MYO1E: variants seen among roughly 807,000 people sequenced by gnomAD.
MYO1E encodes unconventional myosin-Ie.
Under a neutral mutation model 151.1 loss-of-function variants are expected in MYO1E, and 68 were observed. That is an observed-to-expected ratio of 0.45 (90% CI 0.37 to 0.55). The LOEUF (loss-of-function observed/expected upper bound fraction) is 0.55, where lower values mean the gene tolerates loss of function less well. MYO1E is among the 20% of genes least tolerant of loss of function. MYO1E has a pLI of 0.00. For missense variants in MYO1E, 1,363 were observed against 1,389.3 expected, an observed-to-expected ratio of 0.98 and a Z score of 0.30; for synonymous variants, 601 against 501.7, an observed-to-expected ratio of 1.20 and a Z score of -2.64.
intron 1 of MYO1E, among the ~76,000 whole-genome samples, chr15:59,279,109 C>T (rs184580803): frequency 2.6e-5 from 4 of 152,260 alleles, no homozygotes; most frequent in East Asian, 3.9e-4. Flanking sequence ...TTCACATACA[C>T]GTGGTCTCCT....
At chr15:59,206,750 C>T in intron 14 of MYO1E, 1 of 601,762 alleles carries the variant, frequency 1.7e-6, no homozygotes, top group Non-Finnish European at 2.9e-6. Context: ...CTGCCTTAGT[C>T]TGAGCACCCA....
intron 16 of MYO1E, among the ~76,000 whole-genome samples, 189 bp downstream of exon 16, chr15:59,202,137 G>A (rs767032914): frequency 7.2e-5 from 11 of 152,076 alleles, no homozygotes; most frequent in South Asian, 4.1e-4. Context: ...TTAAGGTTTC[G>A]GTACAGCCAA....
chr15:59,260,146 C>T (rs898125397), intron 3 of MYO1E, among the ~76,000 whole-genome samples: 1 of 152,158 alleles, frequency 6.6e-6, no homozygotes, highest in African/African-American at 2.4e-5. Flanking sequence ...GATGTGTATA[C>T]AGCAACCCTT....
chr15:59,187,790 C>CTT (rs1302845405), intron 18 of MYO1E, among the ~76,000 whole-genome samples: 3 of 152,146 alleles, frequency 2.0e-5, no homozygotes, highest in African/African-American at 7.2e-5. Flanking sequence ...ATGGATGAAT[C>CTT]TTATGTTCAG....
At chr15:59,294,498 G>C (rs547587655) in intron 1 of MYO1E, among the ~76,000 whole-genome samples, 2 of 152,222 alleles carry the variant, frequency 1.3e-5, no homozygotes, top group South Asian at 4.1e-4. Flanking sequence ...GATAGTGAGA[G>C]ATAGCTGTGC....
chr15:59,251,279 C>A (rs1022392584), intron 4 of MYO1E, among the ~76,000 whole-genome samples: 1 of 152,040 alleles, frequency 6.6e-6, no homozygotes, highest in Non-Finnish European at 1.5e-5. Context: ...TGTAGAAAAT[C>A]CAACTGAAGG....
At chr15:59,223,252 G>A in intron 8 of MYO1E, 61 bp from the exon 9 acceptor site, 2 of 1,606,156 alleles carry the variant, frequency 1.2e-6, no homozygotes, top group Non-Finnish European at 1.7e-6. Context: ...AGCACCTTAG[G>A]AAGAAGCCAA....
intron 13 of MYO1E, among the ~76,000 whole-genome samples, chr15:59,209,811 TCAC>T (rs1284287707): frequency 2.3e-5 from 3 of 133,286 alleles, no homozygotes; most frequent in African/African-American, 8.1e-5. Context: ...TTATTTTGAA[TCAC>T]CTTTTTTTTT....
chr15:59,212,038 C>A (rs1407747169), intron 12 of MYO1E, among the ~76,000 whole-genome samples: 1 of 152,120 alleles, frequency 6.6e-6, no homozygotes, highest in Non-Finnish European at 1.5e-5. Context: ...GGTCCTCATT[C>A]CACTTACTGT....
At chr15:59,254,676 G>GT (rs35152120) in intron 4 of MYO1E, among the ~76,000 whole-genome samples, 56 of 150,458 alleles carry the variant, frequency 3.7e-4, no homozygotes, top group African/African-American at 8.3e-4. Flanking sequence ...ACAATAAAAG[G>GT]TTTTTTTTTT....
chr15:59,310,163 T>C (rs1024033757), intron 1 of MYO1E, among the ~76,000 whole-genome samples: 1 of 152,162 alleles, frequency 6.6e-6, no homozygotes, highest in Non-Finnish European at 1.5e-5. Flanking sequence ...TCCAGGCAGC[T>C]TCCTAGCGCT....
intron 13 of MYO1E, among the ~76,000 whole-genome samples, chr15:59,209,280 C>A (rs1217932207): frequency 6.6e-6 from 1 of 152,216 alleles, no homozygotes; most frequent in Non-Finnish European, 1.5e-5. Context: ...TCCTTTTTCA[C>A]ATAGCACTAT....
chr15:59,179,976 G>T (rs1433208066), intron 18 of MYO1E, among the ~76,000 whole-genome samples: 3 of 152,242 alleles, frequency 2.0e-5, no homozygotes, highest in African/African-American at 7.2e-5. Flanking sequence ...TTTGTTCCCA[G>T]AAACTACTGT....
chr15:59,223,603 C>T (rs1161067295), intron 8 of MYO1E, among the ~76,000 whole-genome samples: 1 of 152,228 alleles, frequency 6.6e-6, no homozygotes, highest in Non-Finnish European at 1.5e-5. Context: ...TTGCCAGCTT[C>T]CCCTCGAAGG....
intron 5 of MYO1E, among the ~76,000 whole-genome samples, chr15:59,235,871 A>C (rs1347417085): frequency 6.6e-6 from 1 of 152,228 alleles, no homozygotes; most frequent in African/African-American, 2.4e-5. Flanking sequence ...TCTGATAGGC[A>C]AAAAATAGTT....
intron 1 of MYO1E, among the ~76,000 whole-genome samples, chr15:59,275,042 G>A (rs1221886797): frequency 2.0e-5 from 3 of 152,172 alleles, no homozygotes; most frequent in African/African-American, 4.8e-5. Flanking sequence ...GGAGAGAGGG[G>A]TTAACATTCC....
chr15:59,230,214 C>CTGTGTGTG (rs575255858), intron 6 of MYO1E, among the ~76,000 whole-genome samples: 1 of 45,900 alleles, frequency 2.2e-5, no homozygotes, highest in Non-Finnish European at 8.4e-5. Context: ...GAGAGAGAGA[C>CTGTGTGTG]AGTGTGTGTT....
intron 1 of MYO1E, among the ~76,000 whole-genome samples, chr15:59,328,983 T>C (rs1185623382): frequency 6.6e-6 from 1 of 152,182 alleles, no homozygotes; most frequent in Non-Finnish European, 1.5e-5. Context: ...GAATTTGAAC[T>C]CAGCATCCTA....
chr15:59,198,410 G>C (rs2079780826), intron 16 of MYO1E, among the ~76,000 whole-genome samples: 1 of 152,266 alleles, frequency 6.6e-6, no homozygotes, highest in Admixed American at 6.5e-5. Context: ...TTATTTGCAA[G>C]TTACATGACT....
Sources: allele counts gnomAD v4.1 joint callset (sites outside exome capture counted in the v4.1 genomes callset), GRCh38; gene constraint gnomAD v4.1.1; transcripts MANE v1.5; gene names NCBI Gene and HGNC (gene_info 2026-07-23, HGNC 2026-07-21).